Variants in JAM3 observed in about 807,000 individuals in gnomAD.
JAM3 encodes the protein junctional adhesion molecule C.
In JAM3, 31 loss-of-function variants were observed where a neutral mutation model predicts 39.4. The ratio of observed to expected loss-of-function variants is 0.79; its 90% CI spans 0.59 to 1.06. The LOEUF (loss-of-function observed/expected upper bound fraction) is 1.06, where lower values mean the gene tolerates loss of function less well. JAM3 is among the 50% of genes least tolerant of loss of function. JAM3 has a pLI of 0.00. For missense variants in JAM3, 455 were observed against 391.4 expected (o/e 1.16, Z -1.37); for synonymous variants, 182 against 148.7 (o/e 1.22, Z -1.63).
intron 1 of JAM3, among the ~76,000 whole-genome samples, chr11:134,139,400 C>T (rs190684038): frequency 5.9e-5 from 9 of 152,294 alleles, no homozygotes; most frequent in African/African-American, 2.2e-4. Context: ...AGTGTTGATG[C>T]CGTCCCGAAG....
At chr11:134,146,377 T>C (rs541096486) in intron 6 of JAM3, among the ~76,000 whole-genome samples, 2 of 149,394 alleles carry the variant, frequency 1.3e-5, no homozygotes, top group Non-Finnish European at 2.9e-5. Flanking sequence ...TCTCCAGAAA[T>C]TTATCCAGTT....
At chr11:134,134,701 C>T (rs897035674) in intron 1 of JAM3, among the ~76,000 whole-genome samples, 1 of 152,140 alleles carries the variant, frequency 6.6e-6, no homozygotes, top group African/African-American at 2.4e-5. Flanking sequence ...GAAATCATAA[C>T]CATCCTAATG....
At chr11:134,078,523 A>T (rs1941610434) in intron 1 of JAM3, among the ~76,000 whole-genome samples, 1 of 152,082 alleles carries the variant, frequency 6.6e-6, no homozygotes, top group Admixed American at 6.5e-5. Context: ...CCTTTTAAAG[A>T]TTTCCCCGAC....
At chr11:134,142,526 T>C (rs1487676110) in intron 3 of JAM3, among the ~76,000 whole-genome samples, 1 of 152,240 alleles carries the variant, frequency 6.6e-6, no homozygotes, top group African/African-American at 2.4e-5. Flanking sequence ...TGCTACTCTT[T>C]TGTGTCATGT....
intron 1 of JAM3, among the ~76,000 whole-genome samples, chr11:134,103,339 C>T (rs973936294): frequency 6.6e-6 from 1 of 152,106 alleles, no homozygotes; most frequent in African/African-American, 2.4e-5. Flanking sequence ...ACCAGGCCTG[C>T]CCTACAAGAG....
At chr11:134,127,811 C>T (rs1425258907) in intron 1 of JAM3, among the ~76,000 whole-genome samples, 1 of 152,222 alleles carries the variant, frequency 6.6e-6, no homozygotes, top group Non-Finnish European at 1.5e-5. Context: ...CCTAGAATCA[C>T]ATTAAGAAAG....
At chr11:134,126,762 C>T (rs952968082) in intron 1 of JAM3, among the ~76,000 whole-genome samples, 1 of 152,186 alleles carries the variant, frequency 6.6e-6, no homozygotes, top group Non-Finnish European at 1.5e-5. Context: ...TGGCAAGGGG[C>T]ATGAATCTGG....
chr11:134,107,296 C>T (rs1284749608), intron 1 of JAM3, among the ~76,000 whole-genome samples: 1 of 151,902 alleles, frequency 6.6e-6, no homozygotes, highest in Non-Finnish European at 1.5e-5. Context: ...AACACTTGGA[C>T]ACAGGAAGGG....
chr11:134,127,157 T>A (rs11223704), intron 1 of JAM3, among the ~76,000 whole-genome samples: 26,797 of 152,078 alleles, frequency 0.18, 2,468 homozygotes, highest in African/African-American at 0.21. Context: ...GTGTTAGACA[T>A]GGAGTTTAAG....
chr11:134,112,533 G>C (rs1055750996), intron 1 of JAM3, among the ~76,000 whole-genome samples: 3 of 152,020 alleles, frequency 2.0e-5, no homozygotes, highest in African/African-American at 7.2e-5. Context: ...AATTATGTAC[G>C]ATGACACACA....
chr11:134,143,405 A>AT (rs536892320), intron 3 of JAM3, among the ~76,000 whole-genome samples: 22 of 151,694 alleles, frequency 1.5e-4, no homozygotes, highest in African/African-American at 1.9e-4. Flanking sequence ...ATTTAAAAAT[A>AT]TTTTTTTTTC....
At chr11:134,122,199 A>T (rs1196982672) in intron 1 of JAM3, among the ~76,000 whole-genome samples, 1 of 152,214 alleles carries the variant, frequency 6.6e-6, no homozygotes, top group Non-Finnish European at 1.5e-5. Flanking sequence ...AGGTATCATC[A>T]GTGTGAGACA....
chr11:134,148,438 CA>C (rs753333888), intron 6 of JAM3, 108 bp from the exon 7 acceptor site: 8 of 1,408,914 alleles, frequency 5.7e-6, no homozygotes, highest in African/African-American at 1.4e-5. Flanking sequence ...CCTGAGGGGG[CA>C]GGGGGCAAGT....
chr11:134,077,953 A>G (rs1180478127), intron 1 of JAM3, among the ~76,000 whole-genome samples: 2 of 151,914 alleles, frequency 1.3e-5, no homozygotes, highest in Admixed American at 1.3e-4. Context: ...CGCCCGGCCA[A>G]GGATGCTTTT....
chr11:134,115,357 C>T (rs775231503), intron 1 of JAM3, among the ~76,000 whole-genome samples: 14 of 152,032 alleles, frequency 9.2e-5, no homozygotes, highest in African/African-American at 2.7e-4. Context: ...ATTTACATTG[C>T]GTTTACTGAT....
intron 1 of JAM3, among the ~76,000 whole-genome samples, chr11:134,099,338 T>G (rs1422335818): frequency 1.3e-5 from 2 of 152,114 alleles, no homozygotes; most frequent in African/African-American, 4.8e-5. Flanking sequence ...GATTTCAGAG[T>G]TGTCCCAACA....
rs1261818095 is a variant in JAM3 at position 134,148,755 on chromosome 11, T to C, written c.843-9T>C. On this transcript the variant is annotated splice_polypyrimidine_tract_variant and intron_variant, in intron 7 of 8. Transcript: ENST00000299106. ...ACCCTGTTGCTAAACTGCTCTCTTC[T>C]CCTCATAGTTACAAGAACCCAGGGA... 1.2e-6 allele frequency: 2 copies of C among 1,613,678 alleles called. No homozygotes were observed. The highest frequency in any genetic ancestry group is 1.7e-5 in the Admixed American group (1 of 60,022).
intron 1 of JAM3, among the ~76,000 whole-genome samples, chr11:134,092,468 A>T (rs1031839099): frequency 2.2e-5 from 3 of 133,754 alleles, no homozygotes; most frequent in African/African-American, 9.2e-5. Flanking sequence ...CTCCTTATTC[A>T]TCATGTTCCA....
At chr11:134,141,160 C>T (rs1257582991) in intron 3 of JAM3, among the ~76,000 whole-genome samples, 1 of 152,004 alleles carries the variant, frequency 6.6e-6, no homozygotes, top group East Asian at 1.9e-4. Context: ...ATGGACTGAG[C>T]CACCCACTGT....
Sources: gnomAD v4.1 joint callset for allele counts (sites outside exome capture counted in the v4.1 genomes callset) on GRCh38, gnomAD v4.1.1 for gene constraint, MANE v1.5 for transcripts, NCBI Gene and HGNC (gene_info 2026-07-23, HGNC 2026-07-21) for gene names.